The following ADGRL3 variants were observed in gnomAD, a reference collection of about 807,000 sequenced individuals.
The protein encoded by ADGRL3 is adhesion G protein-coupled receptor L3.
Under a neutral mutation model 153.5 loss-of-function variants are expected in ADGRL3, and 62 were observed. The observed-to-expected ratio is 0.40, with a 90% CI of 0.33 to 0.50. ADGRL3 has a LOEUF of 0.50. ADGRL3 is among the 20% of genes least tolerant of loss of function. The pLI, the probability that ADGRL3 is intolerant of heterozygous loss-of-function variation, is 0.47. For synonymous variants in ADGRL3, 710 were observed against 672.5 expected (o/e 1.06, Z -0.86); for missense variants, 1,641 against 1,859.4 (o/e 0.88, Z 2.16).
intron 9 of ADGRL3, among the ~76,000 whole-genome samples, chr4:61,847,896 TTATATATAATATAAAATATATTA>T (rs1561352473): frequency 1.8e-4 from 2 of 11,138 alleles, no homozygotes; most frequent in African/African-American, 5.0e-4. Context: ...ATAAAATATA[TTATATATAATATAAAATATATTA>T]TATATATAAT....
chr4:61,612,679 T>C (rs1293591252), intron 5 of ADGRL3, among the ~76,000 whole-genome samples: 1 of 152,230 alleles, frequency 6.6e-6, no homozygotes, highest in Non-Finnish European at 1.5e-5. Context: ...AAATGAAGTA[T>C]GTTGCTAAAA....
intron 1 of ADGRL3, chr4:61,212,091 T>G (rs7678659): frequency 0.44 from 66,641 of 152,052 alleles, 14,851 homozygotes; most frequent in Middle Eastern, 0.54. Flanking sequence ...GAGCTTTGCT[T>G]GCCACATTAC....
chr4:61,564,179 T>C (rs2098807130), intron 4 of ADGRL3, among the ~76,000 whole-genome samples: 4 of 152,130 alleles, frequency 2.6e-5, no homozygotes, highest in Admixed American at 2.0e-4. Flanking sequence ...TTTTGACTTT[T>C]TTTTTTATCC....
At chr4:62,034,032 C>T (rs918282483) in intron 23 of ADGRL3, among the ~76,000 whole-genome samples, 1 of 151,688 alleles carries the variant, frequency 6.6e-6, no homozygotes, top group Non-Finnish European at 1.5e-5. Context: ...GTAAGAATTG[C>T]ATTTGGTACC....
At chr4:61,236,890 G>A (rs1208841640) in intron 1 of ADGRL3, among the ~76,000 whole-genome samples, 1 of 152,026 alleles carries the variant, frequency 6.6e-6, no homozygotes, top group Non-Finnish European at 1.5e-5. Context: ...CTGGACCTGA[G>A]TTCTTCCTAC....
intron 1 of ADGRL3, among the ~76,000 whole-genome samples, chr4:61,230,636 C>T (rs900209298): frequency 2.6e-5 from 4 of 152,096 alleles, no homozygotes; most frequent in South Asian, 2.1e-4. Flanking sequence ...CCTCCTGTTT[C>T]GGCCTCCCAA....
intron 17 of ADGRL3, among the ~76,000 whole-genome samples, chr4:61,961,610 G>T (rs978151973): frequency 1.3e-5 from 2 of 152,094 alleles, no homozygotes; most frequent in Non-Finnish European, 2.9e-5. Context: ...GGAGGAAGAA[G>T]AGTAAAAGTT....
chr4:61,365,396 G>A (rs1270095109), intron 1 of ADGRL3, among the ~76,000 whole-genome samples: 1 of 152,192 alleles, frequency 6.6e-6, no homozygotes, highest in African/African-American at 2.4e-5. Flanking sequence ...CACACTCCCA[G>A]CTAACAGAGG....
intron 1 of ADGRL3, among the ~76,000 whole-genome samples, chr4:61,215,711 C>T (rs1742419408): frequency 6.6e-6 from 1 of 151,778 alleles, no homozygotes; most frequent in Non-Finnish European, 1.5e-5. Context: ...GCCACCACGC[C>T]CGGTTTATTT....
Position 61,368,824 on chromosome 4 carries a change from TG to T in ADGRL3, c.-239-14298del, listed in dbSNP as rs1314909009. Among the ~76,000 whole-genome samples the T allele has an allele frequency of 5.9e-5, 9 of 152,312 alleles. No individual in the cohort carries two copies. In the South Asian group the frequency reaches 1.9e-3, roughly 32 times the overall value. The stretch of plus-strand genomic sequence containing the variant: ...AATCTGTAAATTACCTTGGGCAGTA[TG>T]GCCATTTTCACAATATTGATTCTTC... On this transcript the variant is annotated intron_variant, in intron 1 of 26. Transcript: ENST00000683033.
At chr4:61,706,874 C>T (rs185865567) in intron 6 of ADGRL3, among the ~76,000 whole-genome samples, 3 of 152,268 alleles carry the variant, frequency 2.0e-5, no homozygotes, top group Admixed American at 2.0e-4. Context: ...TACAACTTGG[C>T]TAACCATTTT....
At chr4:61,580,415 G>A (rs879645555) in intron 4 of ADGRL3, among the ~76,000 whole-genome samples, 3 of 151,978 alleles carry the variant, frequency 2.0e-5, no homozygotes, top group Non-Finnish European at 2.9e-5. Context: ...CTATTTGTAC[G>A]ATCATTCATA....
chr4:61,502,951 T>G (rs531836293), intron 3 of ADGRL3, among the ~76,000 whole-genome samples: 1 of 152,312 alleles, frequency 6.6e-6, no homozygotes, highest in African/African-American at 2.4e-5. Context: ...GTAATATAAC[T>G]ATGTTTATAG....
rs1735100120 is a variant in ADGRL3, at chr4:61,202,343, C to G, written c.-240+578C>G. Reference sequence around the variant, plus strand: ...GGCCCCTTTTGCCCAGGTCGCGCCCCTGAGTCTTGGAGTCGCGCTGCCTCC... The same window carrying G: ...GGCCCCTTTTGCCCAGGTCGCGCCCGTGAGTCTTGGAGTCGCGCTGCCTCC... On this transcript the variant is annotated intron_variant, in intron 1 of 26. Coordinates refer to ENST00000683033, the MANE Select transcript of ADGRL3 (RefSeq NM_001387552.1). This position sits in a 1 kb window ranked among gnomAD's most constrained non-coding sequence, Gnocchi z 5.0. 1 of 152,812 alleles carries G rather than the reference C, an allele frequency of 6.5e-6. No homozygotes were observed. The highest frequency in any genetic ancestry group is 1.9e-4 in the East Asian group (1 of 5,160). 9.5% of individuals were successfully genotyped at this position (152,812 alleles called of 1,614,324 possible).
intron 19 of ADGRL3, among the ~76,000 whole-genome samples, chr4:61,995,900 T>C (rs888034639): frequency 6.6e-6 from 1 of 152,182 alleles, no homozygotes; most frequent in Non-Finnish European, 1.5e-5. Context: ...AAATGTCACT[T>C]TGCCTGACAG....
rs2097138211 is a variant in ADGRL3, at chr4:61,775,550, G to A, written c.1400-38259G>A. 3 of 808,250 alleles carry A rather than the reference G, an allele frequency of 3.7e-6. No homozygotes were observed. In the Admixed American group the frequency reaches 5.1e-5, roughly 14 times the overall value. 50.1% of individuals were successfully genotyped at this position (808,250 alleles called of 1,614,324 possible). A position where few individuals can be genotyped will look rare whatever the true frequency, so the allele number is the denominator to read the frequency against. On this transcript the variant is annotated intron_variant, in intron 8 of 26. Coordinates refer to ENST00000683033, the MANE Select transcript of ADGRL3 (RefSeq NM_001387552.1). ...CAACTGCAACCAACCACTTTATGAG[G>A]CTTCCCCTCTCTGTCAGTTTTACAG...
chr4:61,894,981 C>G (rs1402143333), intron 10 of ADGRL3, among the ~76,000 whole-genome samples: 1 of 152,106 alleles, frequency 6.6e-6, no homozygotes, highest in Admixed American at 6.6e-5. Flanking sequence ...TCCAGTAGAC[C>G]CCAGTTCAAA....
chr4:61,535,673 A>G (rs1188296342), intron 4 of ADGRL3, among the ~76,000 whole-genome samples: 2 of 151,714 alleles, frequency 1.3e-5, no homozygotes, highest in Non-Finnish European at 2.9e-5. Flanking sequence ...GTCTTGTAAG[A>G]TTGTATGTTT....
intron 9 of ADGRL3, among the ~76,000 whole-genome samples, chr4:61,857,325 G>A (rs1242355168): frequency 6.6e-6 from 1 of 152,044 alleles, no homozygotes; most frequent in African/African-American, 2.4e-5. Context: ...AGTTCAGGTT[G>A]TAATGGGCTT....
Sources: gnomAD v4.1 joint callset for allele counts (sites outside exome capture counted in the v4.1 genomes callset) on GRCh38, gnomAD v4.1.1 for gene constraint, Gnocchi (gnomAD v3.1) non-coding constraint, MANE v1.5 for transcripts, NCBI Gene and HGNC (gene_info 2026-07-23, HGNC 2026-07-21) for gene names.